Variants in CHRM3 observed in about 807,000 individuals in gnomAD.
CHRM3 encodes cholinergic receptor muscarinic 3.
Under a neutral mutation model 41.8 loss-of-function variants are expected in CHRM3, and 11 were observed. The observed-to-expected ratio is 0.26, with a 90% CI of 0.17 to 0.44. The LOEUF (loss-of-function observed/expected upper bound fraction) is 0.44. Among genes scored for constraint, CHRM3 ranks in the 20% least tolerant of loss-of-function variants. CHRM3 has a pLI of 1.00. For missense variants in CHRM3, 571 were observed against 745.4 expected, an observed-to-expected ratio of 0.77 and a Z score of 2.72; for synonymous variants, 297 against 301.4, an observed-to-expected ratio of 0.99 and a Z score of 0.15.
At chr1:239,637,840 G>A (rs1670652973) in intron 4 of CHRM3, among the ~76,000 whole-genome samples, 1 of 148,368 alleles carries the variant, frequency 6.7e-6, no homozygotes, top group Non-Finnish European at 1.5e-5. Context: ...GTATACATGT[G>A]CCATGCTGGT....
chr1:239,701,741 A>C (rs554049659), intron 5 of CHRM3, among the ~76,000 whole-genome samples: 1 of 151,968 alleles, frequency 6.6e-6, no homozygotes, highest in East Asian at 1.9e-4. Flanking sequence ...CAGTCATCTC[A>C]TTCCTTCCTA....
chr1:239,911,803 A>T lies in CHRM3; in HGVS notation c.*2579A>T, dbSNP rs1444158278. The T allele has an allele frequency of 1.2e-5, 2 of 166,944 alleles. No homozygotes were observed. The highest frequency in any genetic ancestry group is 2.9e-5 in the Non-Finnish European group (2 of 68,134). The allele number at this position is 166,944 out of a possible 1,614,324, so 10.3% of individuals were successfully genotyped here. A position where few individuals can be genotyped will look rare whatever the true frequency, so the allele number is the denominator to read the frequency against. On this transcript the variant is annotated 3_prime_UTR_variant, in exon 7 of 7. Coordinates refer to ENST00000676153, the MANE Select transcript of CHRM3 (RefSeq NM_001375978.1). ...CATTTAAATACTATCTACTGATTTTATAGAAAGGTATGTCCATTTCTTGGG... is the reference window on the plus strand; with the variant it reads ...CATTTAAATACTATCTACTGATTTTTTAGAAAGGTATGTCCATTTCTTGGG...
intron 1 of CHRM3, among the ~76,000 whole-genome samples, chr1:239,449,065 A>G (rs1431895840): frequency 6.6e-6 from 1 of 152,208 alleles, no homozygotes; most frequent in African/African-American, 2.4e-5. Flanking sequence ...TTGTTACCAT[A>G]AAAGTATAAA....
intron 3 of CHRM3, among the ~76,000 whole-genome samples, chr1:239,590,072 G>A (rs1056873214): frequency 5.9e-5 from 9 of 152,092 alleles, no homozygotes; most frequent in East Asian, 3.9e-4. Context: ...ACCTAAAATC[G>A]TGGCTGTGAT....
At chr1:239,791,752 C>T (rs560815330) in intron 5 of CHRM3, among the ~76,000 whole-genome samples, 13 of 152,204 alleles carry the variant, frequency 8.5e-5, no homozygotes, top group African/African-American at 3.1e-4. Flanking sequence ...TAGGCACAGA[C>T]ACTGAGATGG....
intron 4 of CHRM3, among the ~76,000 whole-genome samples, chr1:239,674,853 G>C (rs928247673): frequency 3.9e-5 from 6 of 152,080 alleles, no homozygotes; most frequent in African/African-American, 1.4e-4. Context: ...GGCAACAATG[G>C]TGTCTCCTTT....
intron 4 of CHRM3, among the ~76,000 whole-genome samples, chr1:239,674,709 C>CAAA (rs34078965): frequency 1.2e-4 from 11 of 92,738 alleles, no homozygotes; most frequent in South Asian, 3.9e-4. Context: ...GACTCCATCT[C>CAAA]AAAAAAAAAA....
intron 6 of CHRM3, among the ~76,000 whole-genome samples, chr1:239,892,890 G>T (rs1678668678): frequency 6.6e-6 from 1 of 152,166 alleles, no homozygotes; most frequent in Non-Finnish European, 1.5e-5. Flanking sequence ...GTGACATATA[G>T]ATTTATTTGC....
intron 2 of CHRM3, among the ~76,000 whole-genome samples, chr1:239,504,719 A>G (rs1272636981): frequency 1.3e-5 from 2 of 152,208 alleles, no homozygotes; most frequent in African/African-American, 2.4e-5. Flanking sequence ...ATATGTTGCA[A>G]TACTACTCAG....
chr1:239,663,693 A>G (rs944867378), intron 4 of CHRM3, among the ~76,000 whole-genome samples: 2 of 152,208 alleles, frequency 1.3e-5, no homozygotes, highest in Non-Finnish European at 2.9e-5. Context: ...ATTTTATACA[A>G]TGGAAATCTA....
At chr1:239,756,691 T>C (rs1207555615) in intron 5 of CHRM3, among the ~76,000 whole-genome samples, 1 of 152,208 alleles carries the variant, frequency 6.6e-6, no homozygotes, top group Admixed American at 6.5e-5. Flanking sequence ...CTGACCTGTT[T>C]TCTATGTGAA....
At chr1:239,893,109 A>G (rs1678683686) in intron 6 of CHRM3, among the ~76,000 whole-genome samples, 1 of 152,198 alleles carries the variant, frequency 6.6e-6, no homozygotes, top group Non-Finnish European at 1.5e-5. Flanking sequence ...TGACTAAATA[A>G]TAGTCTCTTA....
chr1:239,809,351 G>A, intron 5 of CHRM3, among the ~76,000 whole-genome samples: 1 of 151,934 alleles, frequency 6.6e-6, no homozygotes, highest in South Asian at 2.1e-4. Flanking sequence ...AAAGGCCTTA[G>A]AAGGTCAACT....
At chr1:239,674,112 G>C (rs889797599) in intron 4 of CHRM3, among the ~76,000 whole-genome samples, 1 of 152,034 alleles carries the variant, frequency 6.6e-6, no homozygotes, top group Non-Finnish European at 1.5e-5. Flanking sequence ...TTCAGATAAA[G>C]AACACTCAAC....
At chr1:239,735,174 C>T (rs967978081) in intron 5 of CHRM3, among the ~76,000 whole-genome samples, 3 of 152,138 alleles carry the variant, frequency 2.0e-5, no homozygotes, top group Non-Finnish European at 2.9e-5. Context: ...TCATGGAGAT[C>T]AGTGTGACTG....
chr1:239,532,650 G>T (rs1428143821), intron 2 of CHRM3, among the ~76,000 whole-genome samples: 1 of 150,698 alleles, frequency 6.6e-6, no homozygotes, highest in Non-Finnish European at 1.5e-5. Flanking sequence ...ATATGTAGGA[G>T]TTCCACTCTA....
chr1:239,861,777 T>C (rs763346967), intron 6 of CHRM3, among the ~76,000 whole-genome samples: 2 of 152,194 alleles, frequency 1.3e-5, no homozygotes, highest in African/African-American at 4.8e-5. Context: ...TAATCCAGGG[T>C]TCCATTTTGT....
At position 239,797,389 on chromosome 1, in the gene CHRM3, A is replaced by G. The variant is rs150924796; in HGVS notation, c.-146-29863A>G. The stretch of plus-strand genomic sequence containing the variant: ...TCTATAATACTTTAAAAATAAAATA[A>G]AAGGGATACTCATTCTTTAAAAAAA... On this transcript the variant is annotated intron_variant, in intron 5 of 6. Transcript: ENST00000676153. Among the ~76,000 whole-genome samples, 22 of 150,920 alleles carry G rather than the reference A, an allele frequency of 1.5e-4. No homozygotes were observed. The East Asian group carries it at 3.9e-3, about 27-fold the overall frequency.
chr1:239,883,509 CTA>C (rs1254884735), intron 6 of CHRM3, among the ~76,000 whole-genome samples: 1 of 152,120 alleles, frequency 6.6e-6, no homozygotes, highest in Non-Finnish European at 1.5e-5. Flanking sequence ...TGCTTGCTCT[CTA>C]TGTGCTGAGC....
Sources: gnomAD v4.1 joint callset for allele counts (sites outside exome capture counted in the v4.1 genomes callset) on GRCh38, gnomAD v4.1.1 for gene constraint, MANE v1.5 for transcripts, NCBI Gene and HGNC (gene_info 2026-07-23, HGNC 2026-07-21) for gene names.